The following PCED1B variants were observed in gnomAD, a reference collection of about 807,000 sequenced individuals.
The protein encoded by PCED1B is PC-esterase domain containing 1B, also known as PC-esterase domain-containing protein 1B.
For synonymous variants in PCED1B, 251 were observed against 246.1 expected (o/e 1.02, Z -0.19); for missense variants, 573 against 573.9 (o/e 1.00, Z 0.02).
At chr12:47,227,150 GTTTGT>G (rs138515365) in intron 3 of PCED1B, among the ~76,000 whole-genome samples, 2 of 151,844 alleles carry the variant, frequency 1.3e-5, no homozygotes, top group African/African-American at 4.8e-5. Flanking sequence ...TTGTTTGTTT[GTTTGT>G]TTTGTTTTGT....
At chr12:47,182,757 A>C (rs1435613951) in intron 2 of PCED1B, among the ~76,000 whole-genome samples, 1 of 152,184 alleles carries the variant, frequency 6.6e-6, no homozygotes, top group Non-Finnish European at 1.5e-5. Flanking sequence ...CCACATAGCT[A>C]GTAACAGTTG....
chr12:47,106,876 C>T (rs1938975404), intron 2 of PCED1B, among the ~76,000 whole-genome samples: 1 of 152,120 alleles, frequency 6.6e-6, no homozygotes, highest in South Asian at 2.1e-4. Context: ...GCCTTGCTTC[C>T]TCTGCTTCCG....
intron 2 of PCED1B, among the ~76,000 whole-genome samples, chr12:47,110,803 C>G (rs866937116): frequency 5.9e-5 from 9 of 152,262 alleles, no homozygotes; most frequent in African/African-American, 2.2e-4. Flanking sequence ...GATTATTGAT[C>G]AGGTTCTTCT....
intron 2 of PCED1B, among the ~76,000 whole-genome samples, chr12:47,107,931 T>C (rs559704466): frequency 6.6e-6 from 1 of 152,272 alleles, no homozygotes; most frequent in African/African-American, 2.4e-5. Flanking sequence ...GGAGAGACAT[T>C]TAAATTTTCT....
intron 2 of PCED1B, among the ~76,000 whole-genome samples, chr12:47,167,103 T>C (rs1185064051): frequency 6.6e-6 from 1 of 152,194 alleles, no homozygotes; most frequent in Non-Finnish European, 1.5e-5. Flanking sequence ...ATAAGAGTTA[T>C]TGAGTCCTCT....
At chr12:47,212,542 C>G (rs1471649637) in intron 2 of PCED1B, among the ~76,000 whole-genome samples, 3 of 152,124 alleles carry the variant, frequency 2.0e-5, no homozygotes, top group Non-Finnish European at 2.9e-5. Flanking sequence ...TCAATCTCCC[C>G]GAGCTTCAAC....
At chr12:47,200,215 C>A (rs1293821591) in intron 2 of PCED1B, among the ~76,000 whole-genome samples, 2 of 151,778 alleles carry the variant, frequency 1.3e-5, no homozygotes, top group Non-Finnish European at 2.9e-5. Context: ...AAATTCTATC[C>A]AAAATATGTA....
At chr12:47,152,516 C>T (rs1166358487) in intron 2 of PCED1B, among the ~76,000 whole-genome samples, 1 of 152,106 alleles carries the variant, frequency 6.6e-6, no homozygotes, top group Non-Finnish European at 1.5e-5. Context: ...AATTAGGAGA[C>T]ATGAAAATTA....
chr12:47,164,020 T>C (rs1051978436), intron 2 of PCED1B, among the ~76,000 whole-genome samples: 4 of 152,198 alleles, frequency 2.6e-5, no homozygotes, highest in Admixed American at 6.5e-5. Flanking sequence ...AATCTACTTA[T>C]GAGGGATTAA....
At position 47,161,778 on chromosome 12, in the gene PCED1B, G is replaced by A. The variant is rs568087430; in HGVS notation, c.-525-54444G>A. Among the ~76,000 whole-genome samples, 480 of 152,260 alleles carry A rather than the reference G, an allele frequency of 3.2e-3. 3 individuals carry two copies. Among genetic ancestry groups the A allele is most frequent in the African/African-American group, 8.9e-3 (370 of 41,540 alleles). ...CCATTACTGGGTATATACCCAAAGGGTTATAAATCATGCTGCTGTAAAGAC... is the reference window on the plus strand; with the variant it reads ...CCATTACTGGGTATATACCCAAAGGATTATAAATCATGCTGCTGTAAAGAC... On this transcript the variant is annotated intron_variant, in intron 2 of 3. Coordinates refer to ENST00000546455, the MANE Select transcript of PCED1B (RefSeq NM_138371.3).
intron 3 of PCED1B, among the ~76,000 whole-genome samples, chr12:47,230,967 G>A (rs867074217): frequency 1.1e-4 from 17 of 152,196 alleles, no homozygotes; most frequent in African/African-American, 3.9e-4. Context: ...ACTAATAGGT[G>A]CATTTTACAG....
At chr12:47,121,521 A>G (rs1308200880) in intron 2 of PCED1B, among the ~76,000 whole-genome samples, 3 of 152,284 alleles carry the variant, frequency 2.0e-5, no homozygotes, top group South Asian at 2.1e-4. Context: ...TTTTTCTCCA[A>G]TACGTAGAAA....
At chr12:47,158,652 GA>G (rs1401488453) in intron 2 of PCED1B, among the ~76,000 whole-genome samples, 2 of 152,178 alleles carry the variant, frequency 1.3e-5, no homozygotes, top group African/African-American at 4.8e-5. Context: ...TTTATTGATA[GA>G]CAATATTGGT....
At chr12:47,184,416 C>T (rs1161635859) in intron 2 of PCED1B, among the ~76,000 whole-genome samples, 1 of 152,124 alleles carries the variant, frequency 6.6e-6, no homozygotes, top group Non-Finnish European at 1.5e-5. Flanking sequence ...CCAGGTGATG[C>T]CAAGTAGCTT....
chr12:47,094,196 C>T (rs183018577), intron 1 of PCED1B, among the ~76,000 whole-genome samples: 175 of 152,188 alleles, frequency 1.1e-3, no homozygotes, highest in Non-Finnish European at 1.9e-3. Context: ...CACTTTATCT[C>T]TAATAATGTT....
rs566334903 is a variant in PCED1B, at chr12:47,131,787, G to C, written c.-526+27592G>C. Among the ~76,000 whole-genome samples, 372 of 150,424 alleles carry C rather than the reference G, an allele frequency of 2.5e-3. 1 individual carries two copies. Among genetic ancestry groups the C allele is most frequent in the African/African-American group, 8.5e-3 (345 of 40,394 alleles). On this transcript the variant is annotated intron_variant, in intron 2 of 3. Transcript: ENST00000546455. ...TGGTTCAAGCAATTCCCCTGCCTCA[G>C]CCTCCCGAGTAGCTGGGATTACAGG...
intron 2 of PCED1B, among the ~76,000 whole-genome samples, chr12:47,140,536 C>G (rs986324799): frequency 2.0e-5 from 3 of 152,180 alleles, no homozygotes; most frequent in Admixed American, 2.0e-4. Flanking sequence ...TAAAACCTCT[C>G]TCCTCATTCG....
chr12:47,148,773 A>C (rs1161299741), intron 2 of PCED1B, among the ~76,000 whole-genome samples: 2 of 152,242 alleles, frequency 1.3e-5, no homozygotes, highest in Non-Finnish European at 2.9e-5. Context: ...TCATTAATTC[A>C]GATGTGACTA....
chr12:47,116,866 T>A (rs1939443003), intron 2 of PCED1B, among the ~76,000 whole-genome samples: 1 of 152,204 alleles, frequency 6.6e-6, no homozygotes, highest in Non-Finnish European at 1.5e-5. Context: ...AATTCATATA[T>A]CAACAATTTA....
Sources: allele counts gnomAD v4.1 joint callset (sites outside exome capture counted in the v4.1 genomes callset), GRCh38; gene constraint gnomAD v4.1.1; transcripts MANE v1.5; gene names NCBI Gene and HGNC (gene_info 2026-07-23, HGNC 2026-07-21).